Variants in ATP10B observed in about 807,000 individuals in gnomAD.
ATP10B encodes the protein phospholipid-transporting ATPase VB.
Under a neutral mutation model 141.2 loss-of-function variants are expected in ATP10B, and 122 were observed. The observed-to-expected ratio is 0.86, with a 90% CI of 0.75 to 1.00. The LOEUF (loss-of-function observed/expected upper bound fraction) is 1.00. Ranked by LOEUF, ATP10B falls within the 50% of genes least tolerant of loss-of-function variation. ATP10B has a pLI of 0.00. For missense variants in ATP10B, 1,876 were observed against 1,825.3 expected (o/e 1.03, Z -0.51); for synonymous variants, 685 against 692.0 (o/e 0.99, Z 0.16).
chr5:160,659,535 A>C (rs1234341694), intron 7 of ATP10B, among the ~76,000 whole-genome samples: 1 of 152,074 alleles, frequency 6.6e-6, no homozygotes, highest in Admixed American at 6.6e-5. Context: ...AACCTAGCAG[A>C]GTTTCCTCGT....
chr5:160,883,369 G>A, the ATP10B span, among the ~76,000 whole-genome samples: 1 of 152,272 alleles, frequency 6.6e-6, no homozygotes, highest in Admixed American at 6.5e-5. Context: ...TTTAACTACA[G>A]GGCTGAGACT....
intron 1 of ATP10B, among the ~76,000 whole-genome samples, chr5:160,788,110 A>G (rs957805385): frequency 6.6e-6 from 1 of 151,738 alleles, no homozygotes; most frequent in Non-Finnish European, 1.5e-5. Flanking sequence ...TGCTTTTCCT[A>G]CTCTCCAGTG....
chr5:160,597,554 T>C (rs1756794658), intron 22 of ATP10B, among the ~76,000 whole-genome samples: 2 of 151,980 alleles, frequency 1.3e-5, no homozygotes, highest in Non-Finnish European at 2.9e-5. Flanking sequence ...TGGGATCTAA[T>C]TAAACTAAAG....
At chr5:160,921,479 T>C in the ATP10B span, among the ~76,000 whole-genome samples, 1 of 152,220 alleles carries the variant, frequency 6.6e-6, no homozygotes, top group Non-Finnish European at 1.5e-5. Context: ...ATCTTCCCAA[T>C]CTGAAACTTT....
chr5:160,675,198 C>G (rs1762948014), intron 6 of ATP10B, among the ~76,000 whole-genome samples: 1 of 152,206 alleles, frequency 6.6e-6, no homozygotes, highest in African/African-American at 2.4e-5. Context: ...CAGGTGGAAA[C>G]ATCCACACAC....
At position 160,565,541 on chromosome 5, in the gene ATP10B, A is replaced by G; in HGVS notation, c.4298T>C (p.Ile1433Thr). The change falls in exon 26 of 26, where the codon ATA (isoleucine) becomes ACA (threonine). Residue 1433 changes from isoleucine to threonine, a missense_variant. Coordinates refer to ENST00000327245, the MANE Select transcript of ATP10B (RefSeq NM_025153.3). ...SGEHLLGPNRIMAYSRGQTDM... is the reference protein window; with the variant it reads ...SGEHLLGPNRTMAYSRGQTDM... ...AGTCTGTCCTCTTGAGTAGGCCATTATCCTGTTAGGTCCCAGCAGGTGCTC... is the reference window on the plus strand; with the variant it reads ...AGTCTGTCCTCTTGAGTAGGCCATTGTCCTGTTAGGTCCCAGCAGGTGCTC... The G allele has an allele frequency of 6.2e-7, 1 of 1,614,062 alleles. No homozygotes were observed. The highest frequency in any genetic ancestry group is 8.5e-7 in the Non-Finnish European group (1 of 1,179,958).
At chr5:160,663,567 C>G (rs1465882810) in intron 7 of ATP10B, among the ~76,000 whole-genome samples, 1 of 152,074 alleles carries the variant, frequency 6.6e-6, no homozygotes, top group Non-Finnish European at 1.5e-5. Context: ...CATGTTCTCA[C>G]TCATAGATGG....
the ATP10B span, among the ~76,000 whole-genome samples, chr5:160,858,416 GTCTA>G: frequency 6.6e-6 from 1 of 151,686 alleles, no homozygotes; most frequent in Admixed American, 6.6e-5. Flanking sequence ...AATCTACTTT[GTCTA>G]TCTTTTTTTT....
At chr5:160,817,144 T>C (rs1773698300) in intron 1 of ATP10B, among the ~76,000 whole-genome samples, 1 of 152,190 alleles carries the variant, frequency 6.6e-6, no homozygotes, top group Non-Finnish European at 1.5e-5. Context: ...TGTTGGAAGT[T>C]CTGGCCAGGG....
At chr5:160,797,292 G>T (rs1206229394) in intron 1 of ATP10B, among the ~76,000 whole-genome samples, 1 of 152,090 alleles carries the variant, frequency 6.6e-6, no homozygotes, top group Non-Finnish European at 1.5e-5. Flanking sequence ...CATGCACAAC[G>T]AATTACTCTC....
intron 1 of ATP10B, among the ~76,000 whole-genome samples, chr5:160,789,100 C>T (rs1003289409): frequency 3.9e-5 from 6 of 152,142 alleles, no homozygotes; most frequent in Non-Finnish European, 8.8e-5. Flanking sequence ...AGTGCACACA[C>T]CTCATGTACA....
At chr5:160,724,122 C>T (rs908471137) in intron 2 of ATP10B, among the ~76,000 whole-genome samples, 4 of 151,730 alleles carry the variant, frequency 2.6e-5, no homozygotes, top group Non-Finnish European at 4.4e-5. Context: ...TGGGGCCTAT[C>T]GGAGGGTGGA....
intron 5 of ATP10B, chr5:160,687,050 C>G: frequency 1.4e-6 from 1 of 715,024 alleles, no homozygotes; most frequent in Non-Finnish European, 1.7e-6. Flanking sequence ...TGACTTCTGT[C>G]CATCCCTTTT....
At chr5:160,717,646 T>G (rs1335371973) in intron 2 of ATP10B, among the ~76,000 whole-genome samples, 1 of 152,224 alleles carries the variant, frequency 6.6e-6, no homozygotes, top group Non-Finnish European at 1.5e-5. Context: ...ACAAGATCCC[T>G]GGCGCTAAAA....
chr5:160,914,106 T>C, the ATP10B span, among the ~76,000 whole-genome samples: 2 of 152,350 alleles, frequency 1.3e-5, no homozygotes, highest in Admixed American at 6.5e-5. Flanking sequence ...GTCACTTCAA[T>C]GTATATGTCT....
chr5:160,923,638 G>A, the ATP10B span, among the ~76,000 whole-genome samples: 16 of 152,256 alleles, frequency 1.1e-4, no homozygotes, highest in African/African-American at 3.6e-4. Flanking sequence ...CTGACTTTAC[G>A]CACCTTCCTG....
At chr5:160,895,067 A>C in the ATP10B span, among the ~76,000 whole-genome samples, 2 of 152,198 alleles carry the variant, frequency 1.3e-5, no homozygotes, top group African/African-American at 4.8e-5. Flanking sequence ...CTAAACATGG[A>C]AAGTAACAAC....
Position 160,620,875 on chromosome 5 carries a change from G to T in ATP10B, c.1888C>A (p.Leu630Ile), listed in dbSNP as rs892526774. 1 of 1,614,206 alleles carries T rather than the reference G, an allele frequency of 6.2e-7. No individual in the cohort carries two copies. Among genetic ancestry groups the T allele is most frequent in the South Asian group, 1.1e-5 (1 of 91,092 alleles). ...KIQQLFQKLKLLSLSQSFSST... is the reference protein window; with the variant it reads ...KIQQLFQKLKILSLSQSFSST... ...GAGAATGACTGGCTGAGGCTCAATA[G>T]CTTCAACTTCTGGAAGAGCTGCTGA... The change falls in exon 15 of 26, where the codon CTA becomes ATA. Residue 630 changes from leucine to isoleucine, a missense_variant. Leu to Ile is a conservative substitution (Grantham distance 5). Transcript: ENST00000327245.
intron 6 of ATP10B, among the ~76,000 whole-genome samples, chr5:160,683,734 G>C (rs900774051): frequency 6.6e-6 from 1 of 152,184 alleles, no homozygotes; most frequent in Non-Finnish European, 1.5e-5. Flanking sequence ...TTACCTGCTA[G>C]AGACTCCATC....
Sources: allele counts gnomAD v4.1 joint callset (sites outside exome capture counted in the v4.1 genomes callset), GRCh38; gene constraint gnomAD v4.1.1; transcripts MANE v1.5; gene names NCBI Gene and HGNC (gene_info 2026-07-23, HGNC 2026-07-21).